The following RIN2 variants were observed in gnomAD, a reference collection of about 807,000 sequenced individuals.
The protein encoded by RIN2 is Ras and Rab interactor 2.
In RIN2, 36 loss-of-function variants were observed where a neutral mutation model predicts 78.0. The observed-to-expected ratio is 0.46, with a 90% CI of 0.35 to 0.61. The LOEUF is 0.61. Ranked by LOEUF, RIN2 falls within the 20% of genes least tolerant of loss-of-function variation. The probability of loss-of-function intolerance (pLI) is 0.00; values close to 1 mark genes in which losing one functional copy is unlikely to be tolerated. For synonymous variants in RIN2, 466 were observed against 466.8 expected (o/e 1.00, Z 0.02); for missense variants, 1,087 against 1,159.7 (o/e 0.94, Z 0.91).
At chr20:19,895,960 A>T (rs2038699887) in intron 3 of RIN2, 1 of 152,220 alleles carries the variant, frequency 6.6e-6, no homozygotes, top group Non-Finnish European at 1.5e-5. Flanking sequence ...CTGTCTGCCA[A>T]GCAAAATTTT....
intron 1 of RIN2, among the ~76,000 whole-genome samples, chr20:19,765,443 T>C (rs2033843138): frequency 6.6e-6 from 1 of 152,166 alleles, no homozygotes; most frequent in South Asian, 2.1e-4. Flanking sequence ...TGGTTTCAGC[T>C]CTGCTGGGAG....
intron 3 of RIN2, among the ~76,000 whole-genome samples, chr20:19,890,893 T>A (rs1363492405): frequency 6.6e-6 from 1 of 152,144 alleles, no homozygotes; most frequent in Non-Finnish European, 1.5e-5. Flanking sequence ...TTGATTTCAG[T>A]GACGTCTATG....
chr20:19,868,934 T>G (rs2037592921), intron 2 of RIN2, among the ~76,000 whole-genome samples: 1 of 151,956 alleles, frequency 6.6e-6, no homozygotes, highest in African/African-American at 2.4e-5. Flanking sequence ...TACAAAAAGT[T>G]AGCTGGGTGT....
intron 6 of RIN2, among the ~76,000 whole-genome samples, chr20:19,962,484 C>A (rs1195088446): frequency 6.6e-6 from 1 of 152,172 alleles, no homozygotes; most frequent in African/African-American, 2.4e-5. Flanking sequence ...TCATTGAGGT[C>A]CTTGTGGCCG....
At chr20:19,819,777 T>A (rs1600531676) in intron 2 of RIN2, among the ~76,000 whole-genome samples, 1 of 152,112 alleles carries the variant, frequency 6.6e-6, no homozygotes, top group Admixed American at 6.5e-5. Flanking sequence ...CAAATGATCC[T>A]CCTGCCTCAG....
intron 7 of RIN2, among the ~76,000 whole-genome samples, chr20:19,966,910 C>CACACAA (rs1407637756): frequency 3.3e-5 from 5 of 151,802 alleles, no homozygotes; most frequent in Admixed American, 3.3e-4. Context: ...CCAACAGACA[C>CACACAA]ACACACACAC....
intron 1 of RIN2, among the ~76,000 whole-genome samples, chr20:19,792,703 C>T (rs1600467971): frequency 6.6e-6 from 1 of 152,178 alleles, no homozygotes. Context: ...CAGCACATAG[C>T]GTTAAGCAGG....
chr20:19,787,091 T>C (rs192188865), intron 1 of RIN2, among the ~76,000 whole-genome samples: 2 of 152,220 alleles, frequency 1.3e-5, no homozygotes, highest in Admixed American at 6.5e-5. Flanking sequence ...GTTAATTCTA[T>C]GGTGAGCAAA....
At chr20:19,880,818 G>A (rs1307848767) in intron 2 of RIN2, among the ~76,000 whole-genome samples, 1 of 152,290 alleles carries the variant, frequency 6.6e-6, no homozygotes. Flanking sequence ...ACAAGCAGAT[G>A]AGATCTCTAA....
In RIN2 at chr20:19,962,937, C is replaced by T. The variant is rs143550306; in HGVS notation, c.464-2015C>T. Among the ~76,000 whole-genome samples, 727 of 152,180 alleles carry T rather than the reference C, an allele frequency of 4.8e-3. 3 individuals carry two copies. Among genetic ancestry groups the T allele is most frequent in the African/African-American group, 0.017 (695 of 41,510 alleles). Reference sequence around the variant, plus strand: ...GTGCCGTTGCACTCTCCAGCCTGGGCGACAGAGTGAGACTTTATCTCAAAT... The same window carrying T: ...GTGCCGTTGCACTCTCCAGCCTGGGTGACAGAGTGAGACTTTATCTCAAAT... On this transcript the variant is annotated intron_variant, in intron 6 of 12. Coordinates refer to ENST00000255006, the MANE Select transcript of RIN2 (RefSeq NM_018993.4).
chr20:19,772,894 G>A (rs4814894), intron 1 of RIN2, among the ~76,000 whole-genome samples: 57,208 of 152,162 alleles, frequency 0.38, 12,364 homozygotes, highest in East Asian at 0.48. Context: ...TACACTTGTA[G>A]CAATGACTCT....
At chr20:19,875,304 G>A (rs539798149) in intron 2 of RIN2, among the ~76,000 whole-genome samples, 2 of 152,134 alleles carry the variant, frequency 1.3e-5, no homozygotes, top group Admixed American at 6.5e-5. Context: ...GATTACAGGC[G>A]CACGCTACCA....
intron 2 of RIN2, among the ~76,000 whole-genome samples, chr20:19,836,819 GAACTTA>G (rs2036431956): frequency 6.6e-6 from 1 of 152,036 alleles, no homozygotes; most frequent in Non-Finnish European, 1.5e-5. Context: ...TAATCTTGCT[GAACTTA>G]ACTATTTTCT....
intron 3 of RIN2, among the ~76,000 whole-genome samples, chr20:19,904,952 G>A (rs2039154089): frequency 6.6e-6 from 1 of 152,164 alleles, no homozygotes; most frequent in African/African-American, 2.4e-5. Context: ...CAGGTGCCAA[G>A]CAGCTCTCTC....
chr20:19,945,347 G>A (rs983102665), intron 4 of RIN2, among the ~76,000 whole-genome samples: 7 of 152,116 alleles, frequency 4.6e-5, no homozygotes, highest in African/African-American at 1.5e-4. Flanking sequence ...CAGGAGGTGG[G>A]TGGCTTTGAT....
intron 3 of RIN2, among the ~76,000 whole-genome samples, chr20:19,900,705 CTTTGGG>C (rs2038940438): frequency 6.6e-6 from 1 of 151,516 alleles, no homozygotes; most frequent in East Asian, 1.9e-4. Context: ...AATCCCAGCA[CTTTGGG>C]AGTCCAAGGT....
At chr20:19,991,773 T>A (rs1477273261) in intron 10 of RIN2, among the ~76,000 whole-genome samples, 2 of 152,234 alleles carry the variant, frequency 1.3e-5, no homozygotes. Context: ...TTGTAAATAA[T>A]GTGCACAGCA....
intron 11 of RIN2, 113 bp from the exon 12 acceptor site, chr20:19,996,566 A>T: frequency 9.6e-7 from 1 of 1,041,208 alleles, no homozygotes. Flanking sequence ...AAGGAAATGC[A>T]TGTTGAAGAA....
At chr20:19,968,386 T>C (rs142205842) in intron 7 of RIN2, among the ~76,000 whole-genome samples, 2 of 152,370 alleles carry the variant, frequency 1.3e-5, no homozygotes, top group African/African-American at 4.8e-5. Flanking sequence ...TTTTCTGTTA[T>C]GCAAGCTTTA....
Sources: gnomAD v4.1 joint callset for allele counts (sites outside exome capture counted in the v4.1 genomes callset) on GRCh38, gnomAD v4.1.1 for gene constraint, MANE v1.5 for transcripts, NCBI Gene and HGNC (gene_info 2026-07-23, HGNC 2026-07-21) for gene names.